EPB41: variants seen among roughly 807,000 people sequenced by gnomAD.
EPB41 encodes the protein protein 4.1.
A neutral mutation model predicts 108.0 loss-of-function variants in EPB41; 65 were observed. That is an observed-to-expected ratio of 0.60 (90% confidence interval 0.49 to 0.74). EPB41 has a LOEUF of 0.74. Ranked by LOEUF, EPB41 falls within the 30% of genes least tolerant of loss-of-function variation. The pLI is 0.00. For missense variants in EPB41, 875 were observed against 1,037.0 expected (o/e 0.84, Z 2.15); for synonymous variants, 336 against 358.9 (o/e 0.94, Z 0.72).
chr1:28,949,177 C>A (rs1050108894), intron 1 of EPB41, among the ~76,000 whole-genome samples: 2 of 151,246 alleles, frequency 1.3e-5, no homozygotes, highest in African/African-American at 4.9e-5. Flanking sequence ...GCCTTGGTGG[C>A]TCATACCTGT....
intron 16 of EPB41, among the ~76,000 whole-genome samples, chr1:29,078,826 A>G (rs77595596): frequency 0.01 from 1,578 of 152,206 alleles, 33 homozygotes; most frequent in African/African-American, 0.036. Flanking sequence ...GCATTGTGTT[A>G]ACTGTGGTCT....
intron 4 of EPB41, among the ~76,000 whole-genome samples, chr1:29,004,937 G>C (rs1008409340): frequency 6.6e-6 from 1 of 152,152 alleles, no homozygotes. Flanking sequence ...ATGTGTATGC[G>C]TGGGGGTTTT....
chr1:29,055,437 C>G lies in EPB41; in HGVS notation c.1845+2125C>G, dbSNP rs115972391. Among the ~76,000 whole-genome samples, 563 of 152,200 alleles carry G rather than the reference C, an allele frequency of 3.7e-3. 4 individuals are homozygous for G. Among genetic ancestry groups the G allele is most frequent in the African/African-American group, 0.013 (544 of 41,508 alleles). Reference sequence around the variant, plus strand: ...CCTTCAACAATAGGCTCCCTTTGCTCTTGGGAACTTGGCAGAGTGAAGAGA... The same window carrying G: ...CCTTCAACAATAGGCTCCCTTTGCTGTTGGGAACTTGGCAGAGTGAAGAGA... On this transcript the variant is annotated intron_variant, in intron 12 of 20. Transcript: ENST00000343067.
intron 1 of EPB41, among the ~76,000 whole-genome samples, chr1:28,943,374 C>A (rs371822508): frequency 1.3e-5 from 2 of 152,068 alleles, no homozygotes; most frequent in Non-Finnish European, 2.9e-5. Flanking sequence ...ACAATGAGGC[C>A]GGGCGCTGTG....
chr1:29,017,050 C>T (rs865936104), intron 6 of EPB41, among the ~76,000 whole-genome samples: 8 of 152,060 alleles, frequency 5.3e-5, no homozygotes, highest in African/African-American at 1.9e-4. Flanking sequence ...GTTGAGATGC[C>T]GGATTTCTGC....
At chr1:29,016,555 T>C (rs2096582001) in intron 6 of EPB41, among the ~76,000 whole-genome samples, 1 of 152,042 alleles carries the variant, frequency 6.6e-6, no homozygotes, top group African/African-American at 2.4e-5. Flanking sequence ...TCTTCCTATC[T>C]CCCTTTTAAA....
intron 11 of EPB41, among the ~76,000 whole-genome samples, chr1:29,051,019 G>T (rs768471559): frequency 4.7e-5 from 7 of 149,380 alleles, no homozygotes; most frequent in South Asian, 2.1e-4. Flanking sequence ...CTATATATCC[G>T]CTAAGGAATT....
chr1:28,947,412 AAC>A (rs533430400), intron 1 of EPB41, among the ~76,000 whole-genome samples: 20 of 5,386 alleles, frequency 3.7e-3, no homozygotes, highest in African/African-American at 0.019. Context: ...GTCTCAGACA[AAC>A]AAACAAACAA....
At chr1:29,056,795 A>G (rs3003633) in intron 12 of EPB41, among the ~76,000 whole-genome samples, 51,322 of 151,794 alleles carry the variant, frequency 0.34, 10,798 homozygotes, top group African/African-American at 0.59. Context: ...CAAAGTGCTG[A>G]GATTACAGGC....
chr1:29,015,298 C>T (rs1252697989), intron 5 of EPB41, among the ~76,000 whole-genome samples: 1 of 152,116 alleles, frequency 6.6e-6, no homozygotes, highest in East Asian at 1.9e-4. Flanking sequence ...TGGCTCATGC[C>T]TGTAATCCCA....
intron 15 of EPB41, among the ~76,000 whole-genome samples, chr1:29,063,352 A>G (rs1646852664): frequency 6.6e-6 from 1 of 152,222 alleles, no homozygotes; most frequent in Non-Finnish European, 1.5e-5. Context: ...CTCTTCTGGG[A>G]TAGCTATAGG....
At chr1:29,044,185 C>T (rs557727294) in intron 11 of EPB41, among the ~76,000 whole-genome samples, 27 of 152,270 alleles carry the variant, frequency 1.8e-4, no homozygotes, top group Admixed American at 9.8e-4. Context: ...TTTTTATCCC[C>T]ATTTTTCAGG....
At chr1:28,996,987 C>T (rs982657318) in intron 3 of EPB41, among the ~76,000 whole-genome samples, 9 of 151,904 alleles carry the variant, frequency 5.9e-5, no homozygotes, top group African/African-American at 2.2e-4. Flanking sequence ...ACTCTCTCTA[C>T]AAAAAATTTT....
chr1:28,893,514 C>T (rs2090347651), intron 1 of EPB41: 1 of 152,306 alleles, frequency 6.6e-6, no homozygotes, highest in African/African-American at 2.4e-5. Flanking sequence ...ATCCCCAACA[C>T]CTGGCACACA....
intron 16 of EPB41, among the ~76,000 whole-genome samples, chr1:29,078,742 T>A (rs1157664575): frequency 1.3e-5 from 2 of 152,066 alleles, no homozygotes; most frequent in South Asian, 2.1e-4. Flanking sequence ...CAAGACCCCG[T>A]CTCTACAAAA....
chr1:29,017,910 T>C (rs2096597211), intron 6 of EPB41, among the ~76,000 whole-genome samples: 1 of 152,158 alleles, frequency 6.6e-6, no homozygotes, highest in Non-Finnish European at 1.5e-5. Flanking sequence ...AAAATAGTAG[T>C]TTCATTACTT....
At chr1:28,995,167 G>T (rs1338482632) in intron 3 of EPB41, among the ~76,000 whole-genome samples, 2 of 151,988 alleles carry the variant, frequency 1.3e-5, no homozygotes, top group Admixed American at 6.6e-5. Flanking sequence ...CTAATTTAGA[G>T]ATGGGGAAAG....
chr1:29,099,268 TAAAA>T (rs1219575690), intron 17 of EPB41, among the ~76,000 whole-genome samples: 5 of 122,246 alleles, frequency 4.1e-5, no homozygotes, highest in Admixed American at 8.5e-5. Context: ...TCCACTGCAT[TAAAA>T]AAAAAAAAAA....
intron 2 of EPB41, among the ~76,000 whole-genome samples, chr1:28,990,800 A>G (rs1484349265): frequency 1.3e-5 from 2 of 152,196 alleles, no homozygotes; most frequent in Non-Finnish European, 2.9e-5. Flanking sequence ...CATTTGAATC[A>G]GAACTTGTCT....
Sources: gnomAD v4.1 joint callset for allele counts (sites outside exome capture counted in the v4.1 genomes callset) on GRCh38, gnomAD v4.1.1 for gene constraint, MANE v1.5 for transcripts, NCBI Gene and HGNC (gene_info 2026-07-23, HGNC 2026-07-21) for gene names.